The following FGGY variants were observed in gnomAD, a reference collection of about 807,000 sequenced individuals.
FGGY encodes FGGY carbohydrate kinase domain-containing protein.
A neutral mutation model predicts 71.3 loss-of-function variants in FGGY; 72 were observed. The observed-to-expected ratio is 1.01, with a 90% confidence interval of 0.84 to 1.23. The LOEUF is 1.23. Ranked by LOEUF, FGGY falls within the 50% of genes most tolerant of loss-of-function variation. FGGY has a pLI of 0.00. For missense variants in FGGY, 668 were observed against 682.3 expected (o/e 0.98, Z 0.23); for synonymous variants, 251 against 250.3 (o/e 1.00, Z -0.02).
At chr1:59,367,798 G>A (rs1262706236) in intron 4 of FGGY, among the ~76,000 whole-genome samples, 2 of 152,144 alleles carry the variant, frequency 1.3e-5, no homozygotes, top group Non-Finnish European at 2.9e-5. Flanking sequence ...CTTGAATCTT[G>A]GACATACTGC....
chr1:59,560,083 C>G (rs543842593), intron 8 of FGGY, among the ~76,000 whole-genome samples: 3 of 152,110 alleles, frequency 2.0e-5, no homozygotes. Context: ...ACAGCATCCA[C>G]GTGACAAGGT....
intron 11 of FGGY, among the ~76,000 whole-genome samples, chr1:59,649,156 T>G (rs990537556): frequency 2.0e-5 from 3 of 151,370 alleles, no homozygotes; most frequent in Non-Finnish European, 3.0e-5. Flanking sequence ...ACTGTAGCCT[T>G]GTAGTATAGT....
intron 14 of FGGY, among the ~76,000 whole-genome samples, chr1:59,728,658 A>G (rs999919875): frequency 9.2e-5 from 14 of 152,012 alleles, no homozygotes; most frequent in Admixed American, 4.6e-4. Flanking sequence ...TGGGCATAGA[A>G]TTCTAGGTTA....
chr1:59,704,433 T>C (rs745414015), intron 14 of FGGY, among the ~76,000 whole-genome samples: 1 of 152,178 alleles, frequency 6.6e-6, no homozygotes, highest in Non-Finnish European at 1.5e-5. Flanking sequence ...AAGTAATCAC[T>C]ATTATGCGTT....
intron 6 of FGGY, among the ~76,000 whole-genome samples, chr1:59,503,095 T>A (rs1195258591): frequency 6.6e-6 from 1 of 152,200 alleles, no homozygotes; most frequent in Non-Finnish European, 1.5e-5. Flanking sequence ...ATCCTGACCA[T>A]GTCCCATTAC....
intron 14 of FGGY, among the ~76,000 whole-genome samples, chr1:59,707,737 C>A (rs1271688081): frequency 6.6e-6 from 1 of 152,098 alleles, no homozygotes; most frequent in Non-Finnish European, 1.5e-5. Context: ...AATGAAGCCC[C>A]CTTGGATGTG....
intron 11 of FGGY, among the ~76,000 whole-genome samples, chr1:59,651,948 G>T (rs577720883): frequency 6.6e-6 from 1 of 151,414 alleles, no homozygotes; most frequent in Admixed American, 6.6e-5. Context: ...GGCAGGCCTG[G>T]TGGTGACAAA....
At chr1:59,587,960 G>T (rs35835796) in intron 8 of FGGY, among the ~76,000 whole-genome samples, 18,706 of 152,196 alleles carry the variant, frequency 0.12, 1,336 homozygotes, top group South Asian at 0.3. Flanking sequence ...TGACTTTGAC[G>T]AGTTGAGAGA....
rs562164203 is a variant in FGGY, at chr1:59,396,910, A to G, written c.554+18073A>G. ...GAGTGTTCTAAGAAATGGATTATAG[A>G]TTTTGCAGAGCAACAAGGAATCCAC... On this transcript the variant is annotated intron_variant, in intron 5 of 15. Coordinates refer to ENST00000303721, the MANE Select transcript of FGGY (RefSeq NM_018291.5). Among the ~76,000 whole-genome samples, 155 of 152,276 alleles carry G rather than the reference A, an allele frequency of 1.0e-3. 4 individuals carry two copies. The South Asian group carries it at 0.03, about 30-fold the overall frequency.
intron 8 of FGGY, among the ~76,000 whole-genome samples, chr1:59,592,285 ACAGGTGCT>A (rs1445500671): frequency 2.0e-5 from 3 of 152,106 alleles, no homozygotes; most frequent in Non-Finnish European, 1.5e-5. Context: ...TCAGGAAACA[ACAGGTGCT>A]GGAGAGGATG....
chr1:59,514,561 G>C (rs1174047598), intron 7 of FGGY, among the ~76,000 whole-genome samples: 1 of 152,146 alleles, frequency 6.6e-6, no homozygotes, highest in African/African-American at 2.4e-5. Context: ...ATATGGTTTG[G>C]CTGTGTCCCC....
At position 59,340,081 on chromosome 1, in the gene FGGY, T is replaced by C; in HGVS notation, c.313+12T>C. On this transcript the variant is annotated intron_variant, in intron 3 of 15. Transcript: ENST00000303721. ...AGTCAACCAGGAAGGTAAGACCATGTCTCTTCCTTTTCCCAGTGGTGGGAT... is the reference window on the plus strand; with the variant it reads ...AGTCAACCAGGAAGGTAAGACCATGCCTCTTCCTTTTCCCAGTGGTGGGAT... 2 of 1,581,820 alleles carry C rather than the reference T, an allele frequency of 1.3e-6. No homozygotes were observed. Among genetic ancestry groups the C allele is most frequent in the Non-Finnish European group, 1.7e-6 (2 of 1,154,814 alleles).
chr1:59,675,551 CTGAG>C (rs1261490432), intron 14 of FGGY, among the ~76,000 whole-genome samples: 90 of 152,348 alleles, frequency 5.9e-4, no homozygotes, highest in African/African-American at 2.1e-3. Flanking sequence ...CTTGTGGATT[CTGAG>C]TGAGTCTTTA....
chr1:59,646,388 T>C (rs1335554362), intron 11 of FGGY, among the ~76,000 whole-genome samples: 1 of 151,862 alleles, frequency 6.6e-6, no homozygotes, highest in African/African-American at 2.4e-5. Flanking sequence ...TCAGTGTCTT[T>C]ACCTGGTTTT....
intron 14 of FGGY, among the ~76,000 whole-genome samples, chr1:59,703,594 AAT>A (rs2097728139): frequency 1.3e-5 from 2 of 152,194 alleles, no homozygotes; most frequent in African/African-American, 4.8e-5. Context: ...AAGTCAGCAT[AAT>A]GGGAAATAAG....
At chr1:59,607,499 A>C (rs2153816636) in intron 8 of FGGY, among the ~76,000 whole-genome samples, 1 of 152,346 alleles carries the variant, frequency 6.6e-6, no homozygotes, top group South Asian at 2.1e-4. Context: ...GAGTGTTGAC[A>C]CAGGAAGGGT....
At chr1:59,305,944 C>G (rs1417358025) in intron 1 of FGGY, among the ~76,000 whole-genome samples, 1 of 152,210 alleles carries the variant, frequency 6.6e-6, no homozygotes, top group East Asian at 1.9e-4. Flanking sequence ...CACAGACTTT[C>G]AGCTCTGTCT....
intron 8 of FGGY, among the ~76,000 whole-genome samples, chr1:59,586,160 G>C (rs2153771457): frequency 6.6e-6 from 1 of 152,292 alleles, no homozygotes. Flanking sequence ...CCATCACTGG[G>C]TATATACGCA....
chr1:59,460,643 C>T (rs1056494281), intron 6 of FGGY, among the ~76,000 whole-genome samples: 9 of 152,214 alleles, frequency 5.9e-5, no homozygotes, highest in Admixed American at 1.3e-4. Flanking sequence ...TAGGAGACAC[C>T]TCCCAGTAGG....
Sources: allele counts gnomAD v4.1 joint callset (sites outside exome capture counted in the v4.1 genomes callset), GRCh38; gene constraint gnomAD v4.1.1; transcripts MANE v1.5; gene names NCBI Gene and HGNC (gene_info 2026-07-23, HGNC 2026-07-21).